OSBPL10: variants seen among roughly 807,000 people sequenced by gnomAD.
OSBPL10 encodes the protein oxysterol binding protein like 10.
A neutral mutation model predicts 81.7 loss-of-function variants in OSBPL10; 49 were observed. The ratio of observed to expected loss-of-function variants is 0.60; its 90% CI spans 0.48 to 0.76. OSBPL10 has a LOEUF of 0.76. Ranked by LOEUF, OSBPL10 falls within the 30% of genes least tolerant of loss-of-function variation. OSBPL10 has a pLI of 0.00. For missense variants in OSBPL10, 923 were observed against 987.8 expected (o/e 0.93, Z 0.88); for synonymous variants, 419 against 383.6 (o/e 1.09, Z -1.08).
chr3:31,888,243 A>G (rs1484174622), intron 1 of OSBPL10, among the ~76,000 whole-genome samples: 1 of 152,238 alleles, frequency 6.6e-6, no homozygotes, highest in African/African-American at 2.4e-5. Context: ...TCTCTTCAGT[A>G]AATGGTGCGG....
intron 5 of OSBPL10, among the ~76,000 whole-genome samples, chr3:31,740,857 T>TTATATATATATATATA (rs145097507): frequency 0.021 from 2,881 of 136,326 alleles, 71 homozygotes; most frequent in Non-Finnish European, 0.025. Flanking sequence ...CTACTAGAAT[T>TTATATATATATATATA]TATATATATA....
chr3:31,713,380 T>C (rs918164687), intron 6 of OSBPL10, among the ~76,000 whole-genome samples: 1 of 152,076 alleles, frequency 6.6e-6, no homozygotes, highest in Non-Finnish European at 1.5e-5. Context: ...TCAGATCTTT[T>C]TTTAATTTTA....
At chr3:32,026,099 TA>T (rs1381386470) in intron 2 of OSBPL10, among the ~76,000 whole-genome samples, 18 of 148,422 alleles carry the variant, frequency 1.2e-4, no homozygotes, top group African/African-American at 2.2e-4. Flanking sequence ...AGATGATAGA[TA>T]GATAGAGATA....
chr3:31,834,974 G>C (rs149826010), intron 3 of OSBPL10, among the ~76,000 whole-genome samples: 1 of 152,206 alleles, frequency 6.6e-6, no homozygotes, highest in Non-Finnish European at 1.5e-5. Flanking sequence ...TATGAGAAAA[G>C]ACACATAAAG....
intron 3 of OSBPL10, among the ~76,000 whole-genome samples, chr3:31,839,192 CATT>C (rs1700434781): frequency 6.6e-6 from 1 of 152,210 alleles, no homozygotes; most frequent in Admixed American, 6.5e-5. Flanking sequence ...AACACTGATT[CATT>C]ATTATCTCTT....
At chr3:31,762,756 A>C (rs1698088877) in intron 4 of OSBPL10, among the ~76,000 whole-genome samples, 1 of 149,940 alleles carries the variant, frequency 6.7e-6, no homozygotes, top group Middle Eastern at 3.3e-3. Context: ...GACATGAGCC[A>C]CTGCACCCAG....
intron 6 of OSBPL10, among the ~76,000 whole-genome samples, chr3:31,729,187 T>C (rs1376876712): frequency 6.6e-6 from 1 of 152,178 alleles, no homozygotes; most frequent in Non-Finnish European, 1.5e-5. Flanking sequence ...TGCTCAGATA[T>C]GTCCTCTAGA....
At chr3:31,823,527 T>C (rs1028664124) in intron 4 of OSBPL10, among the ~76,000 whole-genome samples, 3 of 152,178 alleles carry the variant, frequency 2.0e-5, no homozygotes, top group African/African-American at 7.2e-5. Context: ...CTTTACGTTT[T>C]CTAGTAGGCG....
chr3:31,867,739 G>A (rs1701215518), intron 3 of OSBPL10, among the ~76,000 whole-genome samples: 1 of 116,538 alleles, frequency 8.6e-6, no homozygotes, highest in Admixed American at 1.2e-4. Flanking sequence ...AAGACAAGAA[G>A]AAAGAGAAAG....
chr3:31,683,212 G>A (rs919866072), intron 8 of OSBPL10, among the ~76,000 whole-genome samples: 9 of 152,174 alleles, frequency 5.9e-5, no homozygotes, highest in Non-Finnish European at 1.0e-4. Context: ...GAATTTTTAC[G>A]AGCAGATTTT....
At chr3:32,055,187 A>G (rs1020553441) in intron 1 of OSBPL10, among the ~76,000 whole-genome samples, 9 of 108,010 alleles carry the variant, frequency 8.3e-5, no homozygotes, top group East Asian at 6.3e-4. Context: ...TGAACTATTT[A>G]TAGCTTTTTT....
At chr3:31,990,911 G>C in intron 2 of OSBPL10, 4 of 1,574,444 alleles carry the variant, frequency 2.5e-6, no homozygotes, top group Non-Finnish European at 8.6e-7. Context: ...CATCGCATTA[G>C]ACATCAGAGA....
At chr3:31,944,045 T>C (rs1288630300) in intron 1 of OSBPL10, among the ~76,000 whole-genome samples, 3 of 146,878 alleles carry the variant, frequency 2.0e-5, no homozygotes, top group Non-Finnish European at 4.5e-5. Flanking sequence ...ATCAGATAGA[T>C]AAAGCATAAC....
intron 5 of OSBPL10, among the ~76,000 whole-genome samples, chr3:31,742,576 T>G (rs900983223): frequency 6.6e-6 from 1 of 152,208 alleles, no homozygotes; most frequent in African/African-American, 2.4e-5. Flanking sequence ...ATGACTCCAG[T>G]GTCCTTCCCC....
At chr3:31,756,372 T>G (rs941644249) in intron 4 of OSBPL10, among the ~76,000 whole-genome samples, 1 of 152,210 alleles carries the variant, frequency 6.6e-6, no homozygotes, top group Admixed American at 6.5e-5. Context: ...AACCAGCTTT[T>G]TTGGTTTTGC....
intron 6 of OSBPL10, among the ~76,000 whole-genome samples, chr3:31,726,038 C>T (rs1338457500): frequency 6.6e-6 from 1 of 152,112 alleles, no homozygotes; most frequent in Non-Finnish European, 1.5e-5. Context: ...TGGGGTACAT[C>T]GGGGTATAGC....
At chr3:32,048,377 C>T (rs888381949) in intron 1 of OSBPL10, among the ~76,000 whole-genome samples, 2 of 150,928 alleles carry the variant, frequency 1.3e-5, no homozygotes, top group Non-Finnish European at 2.9e-5. Flanking sequence ...GCACGATCTC[C>T]GCTCACTGCA....
intron 1 of OSBPL10, among the ~76,000 whole-genome samples, chr3:31,968,672 T>G (rs905813138): frequency 6.6e-6 from 1 of 152,242 alleles, no homozygotes; most frequent in Non-Finnish European, 1.5e-5. Context: ...AAACATGCCA[T>G]TCTGGCTTTT....
chr3:31,754,083 C>T lies in OSBPL10; in HGVS notation c.730-5963G>A, dbSNP rs182931281. On this transcript the variant is annotated intron_variant, in intron 4 of 11. Transcript: ENST00000396556. ...TGAGCTGCCGACTTTTTCTACCTGA[C>T]ATTCTACCTTCGCCCTTTAATTCCC... 2.2e-4 allele frequency among the ~76,000 whole-genome samples: 34 copies of T among 152,282 alleles called. No homozygotes were observed. In the East Asian group the frequency reaches 5.8e-3, roughly 26 times the overall value.
Sources: allele counts gnomAD v4.1 joint callset (sites outside exome capture counted in the v4.1 genomes callset), GRCh38; gene constraint gnomAD v4.1.1; transcripts MANE v1.5; gene names NCBI Gene and HGNC (gene_info 2026-07-23, HGNC 2026-07-21).